WWOX: variants seen among roughly 807,000 people sequenced by gnomAD.
The protein encoded by WWOX is WW domain containing oxidoreductase, also known as WW domain-containing oxidoreductase.
In WWOX, 69 loss-of-function variants were observed where a neutral mutation model predicts 46.2. That is an observed-to-expected ratio of 1.49 (90% CI 1.23 to 1.82). WWOX has a LOEUF of 1.82. Among genes scored for constraint, WWOX ranks in the 40% most tolerant of loss-of-function variants. The pLI is 0.00. For synonymous variants in WWOX, 359 were observed against 202.6 expected, an observed-to-expected ratio of 1.77 and a Z score of -6.56; for missense variants, 919 against 542.6, an observed-to-expected ratio of 1.69 and a Z score of -6.89.
chr16:78,406,872 C>T (rs1010891502), intron 6 of WWOX, among the ~76,000 whole-genome samples: 25 of 152,044 alleles, frequency 1.6e-4, no homozygotes, highest in Non-Finnish European at 2.6e-4. Flanking sequence ...GTGATCCGCC[C>T]GCTTCAGCCT....
At chr16:78,164,399 C>A in intron 5 of WWOX, 110 bp downstream of exon 5, 1 of 973,722 alleles carries the variant, frequency 1.0e-6, no homozygotes, top group Non-Finnish European at 1.6e-6. Flanking sequence ...GGAATCATGT[C>A]TTTATTTTTA....
At chr16:78,423,412 T>C (rs969023857) in intron 6 of WWOX, among the ~76,000 whole-genome samples, 4 of 152,210 alleles carry the variant, frequency 2.6e-5, no homozygotes, top group African/African-American at 9.6e-5. Context: ...TACTTTATAT[T>C]TGCTGCTTTA....
At chr16:78,889,609 C>G (rs777750170) in intron 8 of WWOX, among the ~76,000 whole-genome samples, 5 of 152,008 alleles carry the variant, frequency 3.3e-5, no homozygotes, top group African/African-American at 4.8e-5. Context: ...CTAAGCGTGC[C>G]CAGGGGAAAT....
chr16:78,932,932 C>T (rs778474566), intron 8 of WWOX, among the ~76,000 whole-genome samples: 5 of 152,184 alleles, frequency 3.3e-5, no homozygotes, highest in African/African-American at 7.2e-5. Flanking sequence ...CCAGGTTGAA[C>T]CTTGCTGCCT....
In WWOX at chr16:79,105,627, C is replaced by G. The variant is rs149260858; in HGVS notation, c.1057-105981C>G. 7.1e-3 allele frequency among the ~76,000 whole-genome samples: 1,075 copies of G among 150,598 alleles called. 10 individuals carry two copies. The highest frequency in any genetic ancestry group is 0.025 in the African/African-American group (1,033 of 41,170). ...TACACAGTCCTATATAATCTGCTTT[C>G]TTTTGTTTATAGAATACTGTGAATG... On this transcript the variant is annotated intron_variant, in intron 8 of 8. Transcript: ENST00000566780.
At chr16:78,251,447 C>A (rs936332948) in intron 5 of WWOX, among the ~76,000 whole-genome samples, 1 of 152,196 alleles carries the variant, frequency 6.6e-6, no homozygotes, top group African/African-American at 2.4e-5. Context: ...CGTTACACAG[C>A]ATTGCCTGTT....
At chr16:78,327,850 C>G (rs2080663223) in intron 5 of WWOX, among the ~76,000 whole-genome samples, 2 of 147,972 alleles carry the variant, frequency 1.4e-5, no homozygotes, top group Non-Finnish European at 3.0e-5. Flanking sequence ...TAGGAATGAG[C>G]TAGCCTGAAT....
intron 8 of WWOX, among the ~76,000 whole-genome samples, chr16:79,006,362 G>T (rs577511723): frequency 6.6e-6 from 1 of 152,154 alleles, no homozygotes; most frequent in Non-Finnish European, 1.5e-5. Context: ...TGTCTGCATG[G>T]CACCGGCAGA....
chr16:78,689,274 G>GCA (rs2047932503), intron 8 of WWOX, among the ~76,000 whole-genome samples: 1 of 152,322 alleles, frequency 6.6e-6, no homozygotes, highest in South Asian at 2.1e-4. Flanking sequence ...ACTGTGCTTT[G>GCA]CACACACATG....
At chr16:79,073,043 C>G (rs933434875) in intron 8 of WWOX, among the ~76,000 whole-genome samples, 1 of 152,074 alleles carries the variant, frequency 6.6e-6, no homozygotes, top group Non-Finnish European at 1.5e-5. Flanking sequence ...GTGTGCTAGC[C>G]TCAGTGAGAG....
intron 5 of WWOX, among the ~76,000 whole-genome samples, chr16:78,331,013 T>G (rs185675172): frequency 6.6e-6 from 1 of 152,232 alleles, no homozygotes; most frequent in Non-Finnish European, 1.5e-5. Context: ...TGCTAAAGAT[T>G]GGCGTTAAAT....
chr16:78,597,315 G>C (rs1185572088), intron 8 of WWOX, among the ~76,000 whole-genome samples: 1 of 152,148 alleles, frequency 6.6e-6, no homozygotes, highest in Admixed American at 6.5e-5. Flanking sequence ...AGCACCTACT[G>C]TGTGCCGGGC....
intron 5 of WWOX, among the ~76,000 whole-genome samples, chr16:78,378,210 A>G (rs376997989): frequency 6.6e-6 from 1 of 152,158 alleles, no homozygotes; most frequent in Admixed American, 6.6e-5. Context: ...ATCATCTCCA[A>G]AAGTGTTTGT....
intron 8 of WWOX, among the ~76,000 whole-genome samples, chr16:78,756,711 T>C (rs1056298613): frequency 3.3e-5 from 5 of 152,216 alleles, no homozygotes; most frequent in Non-Finnish European, 7.3e-5. Flanking sequence ...GCAACTACCA[T>C]ATCTAATTTT....
intron 8 of WWOX, among the ~76,000 whole-genome samples, chr16:78,922,211 T>G (rs1158442363): frequency 6.6e-6 from 1 of 152,096 alleles, no homozygotes; most frequent in African/African-American, 2.4e-5. Flanking sequence ...GTCCCTACCC[T>G]AAGCAATATT....
At chr16:79,062,720 CT>C (rs1389445521) in intron 8 of WWOX, among the ~76,000 whole-genome samples, 3 of 152,138 alleles carry the variant, frequency 2.0e-5, no homozygotes, top group Non-Finnish European at 2.9e-5. Flanking sequence ...GGTTTTCAGC[CT>C]GAGGAGGAAG....
At chr16:79,068,556 C>T (rs1027184759) in intron 8 of WWOX, among the ~76,000 whole-genome samples, 4 of 152,044 alleles carry the variant, frequency 2.6e-5, no homozygotes, top group Admixed American at 1.3e-4. Flanking sequence ...GTAATCTCAA[C>T]GCTTTGGGAG....
intron 8 of WWOX, among the ~76,000 whole-genome samples, chr16:78,914,603 GGA>G (rs2045198621): frequency 6.6e-6 from 1 of 151,944 alleles, no homozygotes; most frequent in African/African-American, 2.4e-5. Context: ...AACCAGGCCG[GGA>G]GCAGCGGCTC....
intron 5 of WWOX, among the ~76,000 whole-genome samples, chr16:78,206,289 T>C (rs970692436): frequency 2.0e-5 from 3 of 152,202 alleles, no homozygotes; most frequent in African/African-American, 7.2e-5. Context: ...CATTGAAATA[T>C]ACTTTATTTC....
Sources: allele counts gnomAD v4.1 joint callset (sites outside exome capture counted in the v4.1 genomes callset), GRCh38; gene constraint gnomAD v4.1.1; transcripts MANE v1.5; gene names NCBI Gene and HGNC (gene_info 2026-07-23, HGNC 2026-07-21).